The following EYS variants were observed in gnomAD, a reference collection of about 807,000 sequenced individuals.
EYS encodes the protein EGF-like photoreceptor maintenance factor.
Under a neutral mutation model 282.1 loss-of-function variants are expected in EYS, and 250 were observed. The ratio of observed to expected loss-of-function variants is 0.89; its 90% CI spans 0.80 to 0.98. The LOEUF (loss-of-function observed/expected upper bound fraction) is 0.98, where lower values mean the gene tolerates loss of function less well. Ranked by LOEUF, EYS falls within the 50% of genes least tolerant of loss-of-function variation. The pLI is 0.00. For synonymous variants in EYS, 1,355 were observed against 1,282.9 expected, an observed-to-expected ratio of 1.06 and a Z score of -1.20; for missense variants, 4,016 against 3,709.0, an observed-to-expected ratio of 1.08 and a Z score of -2.15.
chr6:64,531,488 G>A (rs994910613), intron 26 of EYS, among the ~76,000 whole-genome samples: 1 of 150,452 alleles, frequency 6.6e-6, no homozygotes, highest in African/African-American at 2.4e-5. Context: ...CCGGATTCAC[G>A]CCATTCTCCT....
intron 36 of EYS, among the ~76,000 whole-genome samples, chr6:63,832,804 G>A (rs575126474): frequency 5.3e-4 from 81 of 152,228 alleles, no homozygotes; most frequent in African/African-American, 1.9e-3. Flanking sequence ...GAACATCAAT[G>A]TAAAAATCCT....
At chr6:64,767,784 CT>C (rs1367694807) in intron 22 of EYS, among the ~76,000 whole-genome samples, 1 of 151,770 alleles carries the variant, frequency 6.6e-6, no homozygotes, top group Non-Finnish European at 1.5e-5. Context: ...GATTTTTTTC[CT>C]TTTGGTAAAT....
At chr6:64,037,538 T>C (rs545367748) in intron 33 of EYS, among the ~76,000 whole-genome samples, 340 of 152,196 alleles carry the variant, frequency 2.2e-3, no homozygotes, top group African/African-American at 7.7e-3. Context: ...GAAACATCCA[T>C]GGAAAAAAGA....
chr6:65,344,352 C>T (rs1249202181), intron 9 of EYS, among the ~76,000 whole-genome samples, 175 bp from the exon 10 acceptor site: 1 of 151,564 alleles, frequency 6.6e-6, no homozygotes, highest in African/African-American at 2.4e-5. Flanking sequence ...AAGCCCAACA[C>T]TCTCATTTTA....
chr6:64,110,414 G>A (rs915104301), intron 31 of EYS, among the ~76,000 whole-genome samples: 1 of 151,894 alleles, frequency 6.6e-6, no homozygotes, highest in Non-Finnish European at 1.5e-5. Flanking sequence ...TATAAAAAAT[G>A]TTGGTGGATG....
intron 12 of EYS, among the ~76,000 whole-genome samples, chr6:65,198,356 G>T (rs776924016): frequency 4.6e-5 from 7 of 152,060 alleles, no homozygotes; most frequent in Non-Finnish European, 1.0e-4. Context: ...TAACTAGAAA[G>T]AATATACTCT....
chr6:64,799,845 T>C (rs1175688296), intron 22 of EYS, among the ~76,000 whole-genome samples: 1 of 151,880 alleles, frequency 6.6e-6, no homozygotes, highest in Non-Finnish European at 1.5e-5. Context: ...TAATCTGCAG[T>C]TTCTTTAGAG....
At chr6:64,443,042 G>A (rs1447335330) in intron 26 of EYS, among the ~76,000 whole-genome samples, 1 of 152,196 alleles carries the variant, frequency 6.6e-6, no homozygotes, top group African/African-American at 2.4e-5. Context: ...AAAAGCCACA[G>A]ACACTCAACG....
chr6:65,109,981 C>T (rs558655633), intron 12 of EYS, among the ~76,000 whole-genome samples: 1 of 152,148 alleles, frequency 6.6e-6, no homozygotes, highest in African/African-American at 2.4e-5. Context: ...TAAGACTAGC[C>T]TTTCTTCTCA....
chr6:64,180,728 T>G (rs1764764814), intron 31 of EYS, among the ~76,000 whole-genome samples: 1 of 152,150 alleles, frequency 6.6e-6, no homozygotes. Context: ...AATGTAACAT[T>G]GAGTTGGGTA....
At chr6:63,890,046 T>G (rs1009738173) in intron 35 of EYS, among the ~76,000 whole-genome samples, 1 of 152,054 alleles carries the variant, frequency 6.6e-6, no homozygotes, top group Admixed American at 6.6e-5. Flanking sequence ...AAGGAAACAA[T>G]GAAACAAGAA....
intron 5 of EYS, among the ~76,000 whole-genome samples, chr6:65,413,657 A>C (rs1767116117): frequency 6.6e-6 from 1 of 152,054 alleles, no homozygotes; most frequent in African/African-American, 2.4e-5. Context: ...CAGGAGTTCG[A>C]GACCAGCCTG....
At chr6:64,804,582 G>T (rs911180299) in intron 22 of EYS, among the ~76,000 whole-genome samples, 1 of 151,932 alleles carries the variant, frequency 6.6e-6, no homozygotes, top group Non-Finnish European at 1.5e-5. Flanking sequence ...TTGGTTTCAA[G>T]AAATACAGAA....
rs781583710 is a variant in EYS, at chr6:63,958,739, G to T, written c.7055+25644C>A. 3.3e-5 allele frequency among the ~76,000 whole-genome samples: 5 copies of T among 152,178 alleles called. No individual in the cohort carries two copies. In the South Asian group the frequency reaches 6.2e-4, roughly 19 times the overall value. On this transcript the variant is annotated intron_variant, in intron 35 of 42. Transcript: ENST00000503581. The stretch of plus-strand genomic sequence containing the variant: ...ATGCAGCTAATGACTTTAAGTTGAA[G>T]TCAGTGCTCACTTACCATTCCAAAA...
intron 1 of EYS, among the ~76,000 whole-genome samples, chr6:65,654,009 C>G (rs1767738827): frequency 6.6e-6 from 1 of 151,862 alleles, no homozygotes; most frequent in African/African-American, 2.4e-5. Flanking sequence ...GTCCTTCATA[C>G]TGAAGAAAAG....
intron 2 of EYS, among the ~76,000 whole-genome samples, chr6:65,566,466 G>A (rs1052940944): frequency 6.6e-6 from 1 of 151,988 alleles, no homozygotes; most frequent in Non-Finnish European, 1.5e-5. Context: ...TCAATCTGTT[G>A]AGTTGCCCAC....
At chr6:64,171,099 TACTTTATGATACA>T (rs1331899486) in intron 31 of EYS, among the ~76,000 whole-genome samples, 1 of 152,212 alleles carries the variant, frequency 6.6e-6, no homozygotes, top group Non-Finnish European at 1.5e-5. Context: ...ACCTGCCCAC[TACTTTATGATACA>T]AAGCACATTT....
At chr6:65,002,954 A>T (rs956908220) in intron 13 of EYS, among the ~76,000 whole-genome samples, 18 of 147,464 alleles carry the variant, frequency 1.2e-4, no homozygotes, top group Admixed American at 3.4e-4. Flanking sequence ...CTGTCAGCTG[A>T]GGAGGATGTA....
chr6:64,114,678 T>G (rs1328772531), intron 31 of EYS, among the ~76,000 whole-genome samples: 1 of 152,192 alleles, frequency 6.6e-6, no homozygotes, highest in East Asian at 1.9e-4. Context: ...TCTGGCAGTC[T>G]TAGTCACAGG....
Sources: gnomAD v4.1 joint callset for allele counts (sites outside exome capture counted in the v4.1 genomes callset) on GRCh38, gnomAD v4.1.1 for gene constraint, MANE v1.5 for transcripts, NCBI Gene and HGNC (gene_info 2026-07-23, HGNC 2026-07-21) for gene names.